SORCS1: variants seen among roughly 807,000 people sequenced by gnomAD.
The protein encoded by SORCS1 is sortilin related VPS10 domain containing receptor 1.
In SORCS1, 60 loss-of-function variants were observed where a neutral mutation model predicts 146.1. That is an observed-to-expected ratio of 0.41 (90% CI 0.33 to 0.51). The LOEUF is 0.51. Ranked by LOEUF, SORCS1 falls within the 20% of genes least tolerant of loss-of-function variation. The pLI is 0.21. For synonymous variants in SORCS1, 637 were observed against 584.0 expected, an observed-to-expected ratio of 1.09 and a Z score of -1.31; for missense variants, 1,352 against 1,487.6, an observed-to-expected ratio of 0.91 and a Z score of 1.50.
chr10:107,141,593 G>A (rs1366357778), intron 1 of SORCS1, among the ~76,000 whole-genome samples: 1 of 151,580 alleles, frequency 6.6e-6, no homozygotes, highest in Non-Finnish European at 1.5e-5. Context: ...CCTAGTCTGT[G>A]TGTATGCAGA....
intron 1 of SORCS1, among the ~76,000 whole-genome samples, chr10:107,117,781 T>C (rs1261846685): frequency 6.6e-6 from 1 of 152,188 alleles, no homozygotes; most frequent in Non-Finnish European, 1.5e-5. Flanking sequence ...CAATTGTATT[T>C]TGGAAGCACA....
chr10:106,990,874 C>T (rs1294011670), intron 1 of SORCS1, among the ~76,000 whole-genome samples: 1 of 151,606 alleles, frequency 6.6e-6, no homozygotes, highest in Non-Finnish European at 1.5e-5. Flanking sequence ...TGTATAAATA[C>T]TTCTTTTATT....
At chr10:107,010,109 C>A (rs1282665457) in intron 1 of SORCS1, among the ~76,000 whole-genome samples, 3 of 152,218 alleles carry the variant, frequency 2.0e-5, no homozygotes, top group Non-Finnish European at 4.4e-5. Context: ...TAGTAACAGT[C>A]ATCCACAACA....
chr10:106,578,606 A>C (rs1589651306), intron 25 of SORCS1: 4 of 945,870 alleles, frequency 4.2e-6, no homozygotes, highest in African/African-American at 1.8e-5. Context: ...CAGGCTGGCC[A>C]CTCTCATTAT....
At chr10:107,146,538 T>C (rs1401512767) in intron 1 of SORCS1, among the ~76,000 whole-genome samples, 1 of 152,124 alleles carries the variant, frequency 6.6e-6, no homozygotes, top group East Asian at 1.9e-4. Flanking sequence ...CTGGTTTTCA[T>C]CATGAATAAA....
intron 3 of SORCS1, among the ~76,000 whole-genome samples, chr10:106,808,360 A>G (rs1947290917): frequency 6.6e-6 from 1 of 152,162 alleles, no homozygotes; most frequent in Non-Finnish European, 1.5e-5. Flanking sequence ...ATAAATGCAC[A>G]TCCCTTTGTG....
intron 1 of SORCS1, among the ~76,000 whole-genome samples, chr10:106,966,817 T>C (rs998918746): frequency 6.6e-6 from 1 of 152,196 alleles, no homozygotes; most frequent in African/African-American, 2.4e-5. Flanking sequence ...TGAGAAATAC[T>C]GCAGCTCTCA....
chr10:107,065,476 TC>T (rs1479249939), intron 1 of SORCS1, among the ~76,000 whole-genome samples: 1 of 73,056 alleles, frequency 1.4e-5, no homozygotes. Flanking sequence ...CCCTCTCCTC[TC>T]CTCTCCTCTC....
At chr10:106,637,736 T>A (rs1564804849) in intron 18 of SORCS1, among the ~76,000 whole-genome samples, 1 of 152,224 alleles carries the variant, frequency 6.6e-6, no homozygotes, top group Non-Finnish European at 1.5e-5. Context: ...GAAATGAAGA[T>A]GGCTGTTTTT....
intron 9 of SORCS1, among the ~76,000 whole-genome samples, chr10:106,695,359 C>A (rs1252258000): frequency 1.3e-5 from 2 of 152,196 alleles, no homozygotes; most frequent in Non-Finnish European, 2.9e-5. Flanking sequence ...TATGCAAAGT[C>A]TAACCCTATT....
intron 4 of SORCS1, among the ~76,000 whole-genome samples, chr10:106,771,138 C>A (rs1266114039): frequency 2.6e-5 from 4 of 152,216 alleles, no homozygotes; most frequent in African/African-American, 9.6e-5. Context: ...CGTTGCAAAT[C>A]CTAACAGAGG....
At chr10:106,828,094 C>T (rs113570129) in intron 3 of SORCS1, among the ~76,000 whole-genome samples, 89 of 152,298 alleles carry the variant, frequency 5.8e-4, no homozygotes, top group South Asian at 1.2e-3. Flanking sequence ...ACTTCCCACA[C>T]GAGGTAGGTA....
At chr10:106,677,164 T>C (rs1852090938) in intron 13 of SORCS1, 149 bp downstream of exon 13, 1 of 685,728 alleles carries the variant, frequency 1.5e-6, no homozygotes, top group Admixed American at 2.7e-5. Context: ...GCTTTTTGTG[T>C]GGAGAGTAAC....
At chr10:106,769,291 C>T (rs1859811560) in intron 4 of SORCS1, among the ~76,000 whole-genome samples, 1 of 151,966 alleles carries the variant, frequency 6.6e-6, no homozygotes, top group Non-Finnish European at 1.5e-5. Flanking sequence ...TGAGGCCAGC[C>T]TGGCCAACAC....
chr10:106,908,260 G>A (rs1388762544), intron 2 of SORCS1, among the ~76,000 whole-genome samples: 1 of 152,046 alleles, frequency 6.6e-6, no homozygotes, highest in Non-Finnish European at 1.5e-5. Flanking sequence ...GTGGGCATAT[G>A]CCAGCACCCC....
At chr10:106,814,852 T>C (rs931711515) in intron 3 of SORCS1, among the ~76,000 whole-genome samples, 2 of 137,456 alleles carry the variant, frequency 1.5e-5, no homozygotes, top group African/African-American at 5.6e-5. Flanking sequence ...GAGGCGGAGC[T>C]TGCAGTGAGC....
chr10:107,003,014 G>C (rs1957280441), intron 1 of SORCS1, among the ~76,000 whole-genome samples: 1 of 152,138 alleles, frequency 6.6e-6, no homozygotes. Flanking sequence ...CTAGCACTTT[G>C]GGAGGCCAAG....
In SORCS1 at chr10:106,881,439, C is replaced by G. The variant is rs1394325263; in HGVS notation, c.627-51766G>C. Reference sequence around the variant, plus strand: ...AAGCTCCAAAGGTGACAAATATATTCCAAATTGACTAATCCCACTCCTGGT... The same window carrying G: ...AAGCTCCAAAGGTGACAAATATATTGCAAATTGACTAATCCCACTCCTGGT... On this transcript the variant is annotated intron_variant, in intron 2 of 25. Coordinates refer to ENST00000263054, the MANE Select transcript of SORCS1 (RefSeq NM_052918.5). 3.3e-5 allele frequency among the ~76,000 whole-genome samples: 5 copies of G among 152,174 alleles called. No individual in the cohort carries two copies. In the East Asian group the frequency reaches 9.6e-4, roughly 29 times the overall value.
At position 106,926,010 on chromosome 10, in the gene SORCS1, G is replaced by GA. The variant is rs574729007; in HGVS notation, c.626+30502dup. ...TAAACAATTCTAAGACACTTTGGAA[G>GA]AAAAAAAAGACTGAAAAATAATTTC... On this transcript the variant is annotated intron_variant, in intron 2 of 25. Transcript: ENST00000263054. Among the ~76,000 whole-genome samples the GA allele has an allele frequency of 6.6e-5, 10 of 151,784 alleles. No individual in the cohort carries two copies. In the South Asian group the frequency reaches 1.7e-3, roughly 25 times the overall value.
Sources: allele counts gnomAD v4.1 joint callset (sites outside exome capture counted in the v4.1 genomes callset), GRCh38; gene constraint gnomAD v4.1.1; transcripts MANE v1.5; gene names NCBI Gene and HGNC (gene_info 2026-07-23, HGNC 2026-07-21).